The following RAB3IP variants were observed in gnomAD, a reference collection of about 807,000 sequenced individuals.
RAB3IP encodes the protein rab-3A-interacting protein.
RAB3IP carries 36 observed loss-of-function variants against 59.1 expected under a neutral mutation model. The observed-to-expected ratio is 0.61, with a 90% confidence interval of 0.47 to 0.80. The LOEUF is 0.80. RAB3IP is among the 30% of genes least tolerant of loss of function. The pLI, the probability that RAB3IP is intolerant of heterozygous loss-of-function variation, is 0.00. For synonymous variants in RAB3IP, 207 were observed against 191.2 expected, an observed-to-expected ratio of 1.08 and a Z score of -0.68; for missense variants, 511 against 536.0, an observed-to-expected ratio of 0.95 and a Z score of 0.46.
chr12:69,792,492 ACT>A (rs1876792340), intron 4 of RAB3IP, among the ~76,000 whole-genome samples: 1 of 152,058 alleles, frequency 6.6e-6, no homozygotes, highest in Non-Finnish European at 1.5e-5. Context: ...ATAGTGTTTG[ACT>A]CTTTACAGAA....
At position 69,807,358 on chromosome 12, in the gene RAB3IP, G is replaced by A. The variant is rs550823298; in HGVS notation, c.1131-5420G>A. Among the ~76,000 whole-genome samples the A allele has an allele frequency of 4.0e-5, 6 of 149,798 alleles. No individual in the cohort carries two copies. The East Asian group carries it at 1.0e-3, about 26-fold the overall frequency. ...TTCACCTCCCAGACAGGGCGGCAGG[G>A]CAGAGGCGCTTCCCACCTCCCTGAC... On this transcript the variant is annotated intron_variant, in intron 8 of 10. Coordinates refer to ENST00000247833, the MANE Select transcript of RAB3IP (RefSeq NM_022456.5).
At chr12:69,739,698 G>A in intron 1 of RAB3IP, 2 of 761,246 alleles carry the variant, frequency 2.6e-6, no homozygotes, top group Non-Finnish European at 4.4e-6. Context: ...GTTCGGGGGA[G>A]TTGAGACGAA....
At chr12:69,768,158 A>G (rs1872533256) in intron 3 of RAB3IP, among the ~76,000 whole-genome samples, 1 of 151,724 alleles carries the variant, frequency 6.6e-6, no homozygotes. Context: ...GCATCCAGTA[A>G]GGATGGTGCC....
At chr12:69,792,903 A>C (rs1415594008) in intron 4 of RAB3IP, among the ~76,000 whole-genome samples, 1 of 152,222 alleles carries the variant, frequency 6.6e-6, no homozygotes, top group African/African-American at 2.4e-5. Context: ...TACAAATTGC[A>C]TAATCCACTA....
intron 3 of RAB3IP, among the ~76,000 whole-genome samples, chr12:69,782,243 C>G (rs34154159): frequency 0.21 from 32,090 of 152,136 alleles, 4,138 homozygotes; most frequent in Middle Eastern, 0.35. Context: ...CGGCTCACTG[C>G]AATCTCCACC....
intron 1 of RAB3IP, among the ~76,000 whole-genome samples, chr12:69,751,622 T>C (rs1869314935): frequency 6.6e-6 from 1 of 152,192 alleles, no homozygotes; most frequent in African/African-American, 2.4e-5. Flanking sequence ...CTTATTTGCT[T>C]CATCTTATAA....
In RAB3IP at chr12:69,816,215, C is replaced by G. The variant is rs759056891; in HGVS notation, c.*769C>G. The G allele has an allele frequency of 6.6e-6, 1 of 152,074 alleles. No individual in the cohort carries two copies. The highest frequency in any genetic ancestry group is 1.5e-5 in the Non-Finnish European group (1 of 68,016). The allele number at this position is 152,074 out of a possible 1,614,324, so 9.4% of individuals were successfully genotyped here. On this transcript the variant is annotated 3_prime_UTR_variant, in exon 11 of 11. Transcript: ENST00000247833. ...GTGTGGATTGAATGAATGGTACGTG[C>G]GAAGTATATGCTGATTATAGAACCA...
intron 8 of RAB3IP, among the ~76,000 whole-genome samples, chr12:69,803,475 G>A (rs918035620): frequency 6.6e-6 from 1 of 151,496 alleles, no homozygotes; most frequent in African/African-American, 2.4e-5. Flanking sequence ...GAGAGATTTG[G>A]TTTAAGTTTT....
rs145417808 is a variant in RAB3IP, at chr12:69,753,400, C to T, written c.-25-1984C>T. The stretch of plus-strand genomic sequence containing the variant: ...TTTTTGAGTTGGAATCTCAATCTGT[C>T]GCCCAGGCTGAAGTGCAGTGTCTCA... On this transcript the variant is annotated intron_variant, in intron 1 of 10. Coordinates refer to ENST00000247833, the MANE Select transcript of RAB3IP (RefSeq NM_022456.5). Among the ~76,000 whole-genome samples, 778 of 152,092 alleles carry T rather than the reference C, an allele frequency of 5.1e-3. 7 individuals are homozygous for T. The highest frequency in any genetic ancestry group is 0.018 in the African/African-American group (740 of 41,482).
intron 1 of RAB3IP, among the ~76,000 whole-genome samples, chr12:69,744,216 A>T (rs1887620757): frequency 6.6e-6 from 1 of 151,932 alleles, no homozygotes; most frequent in African/African-American, 2.4e-5. Context: ...TCTCCCACTT[A>T]TGAGTGAGAA....
intron 1 of RAB3IP, among the ~76,000 whole-genome samples, chr12:69,753,630 T>C (rs2136121805): frequency 6.6e-6 from 1 of 152,286 alleles, no homozygotes; most frequent in South Asian, 2.1e-4. Context: ...ATTATAGGTA[T>C]GAGCCACCAA....
At chr12:69,763,117 T>C (rs1871629102) in intron 3 of RAB3IP, among the ~76,000 whole-genome samples, 1 of 152,172 alleles carries the variant, frequency 6.6e-6, no homozygotes, top group Non-Finnish European at 1.5e-5. Context: ...CATTATTAGC[T>C]GAAGAAAAAT....
chr12:69,817,472 T>C lies in RAB3IP; in HGVS notation c.*2026T>C, dbSNP rs1881248764. Reference sequence around the variant, plus strand: ...AAAAAAAAACCATAAAAGATAACCATAAAAGAATATAAGTTATGGTATATT... The same window carrying C: ...AAAAAAAAACCATAAAAGATAACCACAAAAGAATATAAGTTATGGTATATT... On this transcript the variant is annotated 3_prime_UTR_variant, in exon 11 of 11. Coordinates refer to ENST00000247833, the MANE Select transcript of RAB3IP (RefSeq NM_022456.5). 1 of 151,606 alleles carries C rather than the reference T, an allele frequency of 6.6e-6. No individual in the cohort carries two copies. Among genetic ancestry groups the C allele is most frequent in the Non-Finnish European group, 1.5e-5 (1 of 67,924 alleles). The allele number at this position is 151,606 out of a possible 1,614,324, so 9.4% of individuals were successfully genotyped here.
chr12:69,745,510 A>G (rs1211861384), intron 1 of RAB3IP, among the ~76,000 whole-genome samples: 1 of 152,166 alleles, frequency 6.6e-6, no homozygotes, highest in Non-Finnish European at 1.5e-5. Context: ...AGGAAATGAT[A>G]ACAAAAATAA....
At chr12:69,811,099 G>A (rs991712458) in intron 8 of RAB3IP, among the ~76,000 whole-genome samples, 2 of 152,164 alleles carry the variant, frequency 1.3e-5, no homozygotes, top group East Asian at 1.9e-4. Context: ...GGCTGGAGCT[G>A]GAGGCCGTTA....
At position 69,801,697 on chromosome 12, in the gene RAB3IP, C is replaced by T; in HGVS notation, c.1106C>T (p.Ser369Phe). The change falls in exon 8 of 11, where the codon TCT (serine) becomes TTT (phenylalanine). Residue 369 changes from serine (S) to phenylalanine (F), a missense_variant. Coordinates refer to ENST00000247833, the MANE Select transcript of RAB3IP (RefSeq NM_022456.5). Reference protein sequence around the residue: ...GLQPIRFVKASAVECGGPKKC... With the variant: ...GLQPIRFVKAFAVECGGPKKC... ...CAACCTATCCGGTTTGTGAAAGCTT[C>T]TGCAGTTGAATGCGGAGGACCAAAG... 6.2e-7 allele frequency: 1 copy of T among 1,612,252 alleles called. No homozygotes were observed. Among genetic ancestry groups the T allele is most frequent in the Non-Finnish European group, 8.5e-7 (1 of 1,178,812 alleles).
At chr12:69,795,728 C>T in intron 6 of RAB3IP, 1 of 285,464 alleles carries the variant, frequency 3.5e-6, no homozygotes, top group Non-Finnish European at 6.4e-6. Context: ...AAGATCAATA[C>T]ATTGCTTTTA....
rs1881691917 is a variant in RAB3IP, at chr12:69,821,069, C to CA, written c.*5624dup. On this transcript the variant is annotated 3_prime_UTR_variant, in exon 11 of 11. Transcript: ENST00000247833. ...CTTCTCAAGGGAGCACAAGTTCACA[C>CA]ACAGTTTACTTTTGGAGGAACGTCT... is the stretch of plus-strand genomic sequence containing the variant. The CA allele has an allele frequency of 6.6e-6, 1 of 152,118 alleles. No homozygotes were observed. The highest frequency in any genetic ancestry group is 1.5e-5 in the Non-Finnish European group (1 of 68,038). The allele number at this position is 152,118 out of a possible 1,614,324, so 9.4% of individuals were successfully genotyped here.
intron 4 of RAB3IP, 131 bp downstream of exon 4, chr12:69,784,946 G>A: frequency 2.2e-6 from 1 of 463,432 alleles, no homozygotes; most frequent in Non-Finnish European, 3.9e-6. Flanking sequence ...AAGCAAAAGA[G>A]AAATCTTTAA....
Sources: gnomAD v4.1 joint callset for allele counts (sites outside exome capture counted in the v4.1 genomes callset) on GRCh38, gnomAD v4.1.1 for gene constraint, MANE v1.5 for transcripts, NCBI Gene and HGNC (gene_info 2026-07-23, HGNC 2026-07-21) for gene names.